Variants in ZSWIM5 observed in about 807,000 individuals in gnomAD.
ZSWIM5 encodes the protein zinc finger SWIM-type containing 5.
Under a neutral mutation model 119.6 loss-of-function variants are expected in ZSWIM5, and 55 were observed. That is an observed-to-expected ratio of 0.46 (90% CI 0.37 to 0.58). The LOEUF (loss-of-function observed/expected upper bound fraction) is 0.58. ZSWIM5 is among the 20% of genes least tolerant of loss of function. ZSWIM5 has a pLI of 0.00. For synonymous variants in ZSWIM5, 537 were observed against 606.9 expected (o/e 0.88, Z 1.69); for missense variants, 1,193 against 1,512.8 (o/e 0.79, Z 3.51).
chr1:45,037,337 C>T (rs1644991306), intron 8 of ZSWIM5, among the ~76,000 whole-genome samples: 1 of 152,136 alleles, frequency 6.6e-6, no homozygotes, highest in Non-Finnish European at 1.5e-5. Context: ...TCTCCAACTC[C>T]TGACCTCAGG....
chr1:45,196,384 CTTTT>C (rs767673983), intron 1 of ZSWIM5, among the ~76,000 whole-genome samples: 10 of 76,380 alleles, frequency 1.3e-4, no homozygotes, highest in South Asian at 6.1e-4. Context: ...CCCACAATTC[CTTTT>C]TTTTTTTTTT....
rs569180365 is a variant in ZSWIM5 at position 45,056,578 on chromosome 1, T to A, written c.1252+2031A>T. 2.2e-4 allele frequency among the ~76,000 whole-genome samples: 33 copies of A among 147,230 alleles called. No individual in the cohort carries two copies. The East Asian group carries it at 5.8e-3, about 26-fold the overall frequency. ...CACTGCCAAGACTGCGCCACTGCAC[T>A]CCATCCTGGGTGACAGAGTGAGACT... is the stretch of plus-strand genomic sequence containing the variant. On this transcript the variant is annotated intron_variant, in intron 4 of 13. Coordinates refer to ENST00000359600, the MANE Select transcript of ZSWIM5 (RefSeq NM_020883.2).
intron 1 of ZSWIM5, among the ~76,000 whole-genome samples, chr1:45,108,098 T>A (rs981032373): frequency 6.6e-6 from 1 of 151,936 alleles, no homozygotes; most frequent in Admixed American, 6.6e-5. Flanking sequence ...CTGTGCTGAG[T>A]CCAGATGCCT....
At chr1:45,076,523 T>A (rs1284936507) in intron 2 of ZSWIM5, among the ~76,000 whole-genome samples, 1 of 152,200 alleles carries the variant, frequency 6.6e-6, no homozygotes, top group African/African-American at 2.4e-5. Flanking sequence ...GCTTTTAGGA[T>A]CCTTTCTTTA....
chr1:45,176,892 C>T (rs1645984564), intron 1 of ZSWIM5, among the ~76,000 whole-genome samples: 1 of 152,066 alleles, frequency 6.6e-6, no homozygotes, highest in Admixed American at 6.6e-5. Flanking sequence ...TGGATACCCT[C>T]CTCACCCCAC....
At chr1:45,092,027 T>G (rs1453698017) in intron 1 of ZSWIM5, among the ~76,000 whole-genome samples, 1 of 152,134 alleles carries the variant, frequency 6.6e-6, no homozygotes, top group Non-Finnish European at 1.5e-5. Flanking sequence ...GCCTAAATGA[T>G]CTCCATGGTT....
chr1:45,172,303 A>G lies in ZSWIM5; in HGVS notation c.595+33453T>C, dbSNP rs1892476. ...TCTCAAAAAGTTAACTTGTCCAAAA[A>G]GGAAGATAAAATATCAACTTCAATT... is the stretch of plus-strand genomic sequence containing the variant. On this transcript the variant is annotated intron_variant, in intron 1 of 13. Coordinates refer to ENST00000359600, the MANE Select transcript of ZSWIM5 (RefSeq NM_020883.2). 4.6e-3 allele frequency among the ~76,000 whole-genome samples: 699 copies of G among 152,226 alleles called. 9 individuals carry two copies. The highest frequency in any genetic ancestry group is 0.016 in the African/African-American group (659 of 41,558).
rs1183621797 is a variant in ZSWIM5 at position 45,205,913 on chromosome 1, GGCGGCCCCGGGGGGTGGCT to G, written c.419_437del (p.Gln140ProfsTer57). Reference sequence around the variant, plus strand: ...CCCCGGGGGCGGAGCCGGCCGGAGCGGCGGCCCCGGGGGGTGGCTGCGGCCCCTCCTCGGCCGGCGAAGC... The same window carrying G: ...CCCCGGGGGCGGAGCCGGCCGGAGCGGCGGCCCCTCCTCGGCCGGCGAAGC... On this transcript the variant is annotated frameshift_variant, in exon 1 of 14. Coordinates refer to ENST00000359600, the MANE Select transcript of ZSWIM5 (RefSeq NM_020883.2). LOFTEE classifies it high-confidence loss of function. The G allele has an allele frequency of 1.9e-6, 2 of 1,061,088 alleles. No individual in the cohort carries two copies. Among genetic ancestry groups the G allele is most frequent in the Non-Finnish European group, 2.3e-6 (2 of 880,584 alleles). The allele number at this position is 1,061,088 out of a possible 1,614,324, so 65.7% of individuals were successfully genotyped here.
At chr1:45,084,024 C>T (rs1366809414) in intron 2 of ZSWIM5, among the ~76,000 whole-genome samples, 1 of 152,182 alleles carries the variant, frequency 6.6e-6, no homozygotes, top group Non-Finnish European at 1.5e-5. Flanking sequence ...ATCCTCCCAC[C>T]TCAGCCTCCC....
chr1:45,038,618 T>TTTTTTTTTTTC (rs1295284682), intron 8 of ZSWIM5, among the ~76,000 whole-genome samples: 1 of 135,996 alleles, frequency 7.4e-6, no homozygotes, highest in Non-Finnish European at 1.6e-5. Context: ...TTTTTTTTTT[T>TTTTTTTTTTTC]TTTAATGAAA....
In ZSWIM5 at chr1:45,019,971, A is replaced by T; in HGVS notation, c.2695+95T>A. On this transcript the variant is annotated intron_variant, in intron 13 of 13. Transcript: ENST00000359600. The surrounding 1 kb of genome is among the most constrained non-coding windows in gnomAD (Gnocchi z 5.0). Reference sequence around the variant, plus strand: ...TCTCCTGATGGACCTAAGATCTCATAGGAATATGAGAGCTCTAAGGATTGA... The same window carrying T: ...TCTCCTGATGGACCTAAGATCTCATTGGAATATGAGAGCTCTAAGGATTGA... 9.3e-7 allele frequency: 1 copy of T among 1,072,196 alleles called. No homozygotes were observed. Among genetic ancestry groups the T allele is most frequent in the South Asian group, 1.4e-5 (1 of 72,064 alleles). 66.4% of individuals were successfully genotyped at this position (1,072,196 alleles called of 1,614,324 possible).
intron 1 of ZSWIM5, among the ~76,000 whole-genome samples, chr1:45,192,750 A>T (rs1307741072): frequency 6.6e-6 from 1 of 152,192 alleles, no homozygotes; most frequent in East Asian, 1.9e-4. Flanking sequence ...TTTCTACAAA[A>T]GCTACACCAT....
intron 5 of ZSWIM5, among the ~76,000 whole-genome samples, chr1:45,048,033 G>GTTTCTTTCTTTCTTTCTTTC (rs139548010): frequency 1.2e-4 from 15 of 128,224 alleles, no homozygotes; most frequent in African/African-American, 2.3e-4. Context: ...TATTATGGTT[G>GTTTCTTTCTTTCTTTCTTTC]TTTCTTTCTT....
chr1:45,042,550 A>G (rs1184454636), intron 6 of ZSWIM5, among the ~76,000 whole-genome samples: 1 of 152,160 alleles, frequency 6.6e-6, no homozygotes, highest in Non-Finnish European at 1.5e-5. Flanking sequence ...ATGGTGTGAG[A>G]GATGGAGGCA....
intron 1 of ZSWIM5, among the ~76,000 whole-genome samples, chr1:45,149,752 T>C (rs1174618252): frequency 6.6e-6 from 1 of 152,236 alleles, no homozygotes; most frequent in Non-Finnish European, 1.5e-5. Flanking sequence ...TCTATCTTCA[T>C]AATAAATCTA....
At chr1:45,077,525 G>A (rs1027009173) in intron 2 of ZSWIM5, among the ~76,000 whole-genome samples, 4 of 152,168 alleles carry the variant, frequency 2.6e-5, no homozygotes, top group East Asian at 1.9e-4. Context: ...GAGGCAGGGC[G>A]AGATCACAGG....
intron 1 of ZSWIM5, among the ~76,000 whole-genome samples, chr1:45,093,830 A>C (rs891750913): frequency 2.7e-5 from 4 of 146,606 alleles, no homozygotes; most frequent in African/African-American, 1.0e-4. Flanking sequence ...TAATTTAAGC[A>C]AACATGTAGA....
At chr1:45,197,035 CA>C (rs1018064899) in intron 1 of ZSWIM5, among the ~76,000 whole-genome samples, 10 of 152,176 alleles carry the variant, frequency 6.6e-5, no homozygotes, top group African/African-American at 2.4e-4. Flanking sequence ...TCACATTGCC[CA>C]AAACAACCAA....
intron 1 of ZSWIM5, among the ~76,000 whole-genome samples, chr1:45,172,636 T>TACACTACCTCTTGCAGCTG (rs1553200841): frequency 6.6e-6 from 1 of 152,024 alleles, no homozygotes; most frequent in Non-Finnish European, 1.5e-5. Flanking sequence ...GTGCCTCAGA[T>TACACTACCTCTTGCAGCTG]ACACTACCTC....
Sources: allele counts gnomAD v4.1 joint callset (sites outside exome capture counted in the v4.1 genomes callset), GRCh38; gene constraint gnomAD v4.1.1; non-coding constraint Gnocchi (gnomAD v3.1); transcripts MANE v1.5; gene names NCBI Gene and HGNC (gene_info 2026-07-23, HGNC 2026-07-21).